The following PYGL variants were observed in gnomAD, a reference collection of about 807,000 sequenced individuals.
PYGL encodes glycogen phosphorylase, liver form.
In PYGL, 90 loss-of-function variants were observed where a neutral mutation model predicts 100.1. That is an observed-to-expected ratio of 0.90 (90% CI 0.76 to 1.07). The LOEUF (loss-of-function observed/expected upper bound fraction) is 1.07. Among genes scored for constraint, PYGL ranks in the 50% least tolerant of loss-of-function variants. The pLI, the probability that PYGL is intolerant of heterozygous loss-of-function variation, is 0.00. For missense variants in PYGL, 1,016 were observed against 1,057.6 expected (o/e 0.96, Z 0.55); for synonymous variants, 373 against 393.0 (o/e 0.95, Z 0.60).
rs1310919038 is a variant in PYGL at position 50,905,476 on chromosome 14, T to C, written c.2460A>G (p.Glu820=). The C allele has an allele frequency of 6.2e-7, 1 of 1,613,840 alleles. No homozygotes were observed. Among genetic ancestry groups the C allele is most frequent in the African/African-American group, 1.3e-5 (1 of 74,918 alleles). Residue 820 remains glutamate (E), a synonymous_variant, in exon 20 of 20, where the codon GAA becomes GAG. Transcript: ENST00000216392. ...CCACGTTCCAGATGTTTTGGGCATA[T>C]TCTTTAATTGTTCGGTCACTGGAGA... ...GKFSSDRTIK[E]YAQNIWNVEP...
Position 50,944,086 on chromosome 14 carries a change from C to T in PYGL, c.243+75G>A. The T allele has an allele frequency of 1.9e-5, 29 of 1,509,838 alleles. No homozygotes were observed. In the South Asian group the frequency reaches 3.4e-4, roughly 18 times the overall value. 93.5% of individuals were successfully genotyped at this position (1,509,838 alleles called of 1,614,324 possible). A position where few individuals can be genotyped will look rare whatever the true frequency, so the allele number is the denominator to read the frequency against. ...AGGGACCACTCTGAGGGGTTCTCCACCTCGTCCCGCCCGGCCGCGGCCGGA... is the reference window on the plus strand; with the variant it reads ...AGGGACCACTCTGAGGGGTTCTCCATCTCGTCCCGCCCGGCCGCGGCCGGA... On this transcript the variant is annotated intron_variant, in intron 1 of 19. Transcript: ENST00000216392.
intron 1 of PYGL, among the ~76,000 whole-genome samples, chr14:50,940,434 A>C (rs1439731288): frequency 6.6e-6 from 1 of 152,244 alleles, no homozygotes; most frequent in Non-Finnish European, 1.5e-5. Context: ...TCTTCTTAAA[A>C]ATATTTCAAA....
At chr14:50,922,439 G>C (rs1015304711) in intron 5 of PYGL, among the ~76,000 whole-genome samples, 1 of 152,090 alleles carries the variant, frequency 6.6e-6, no homozygotes, top group Non-Finnish European at 1.5e-5. Flanking sequence ...AAAAGTCTCT[G>C]GACTTTTAAA....
At chr14:50,916,856 A>C in intron 8 of PYGL, 106 bp downstream of exon 8, 2 of 1,551,096 alleles carry the variant, frequency 1.3e-6, no homozygotes, top group Non-Finnish European at 1.8e-6. Context: ...GATGCACACT[A>C]TTCCTGCTCA....
At chr14:50,934,853 A>G (rs1040459342) in intron 3 of PYGL, among the ~76,000 whole-genome samples, 5 of 152,046 alleles carry the variant, frequency 3.3e-5, no homozygotes, top group African/African-American at 1.2e-4. Context: ...CATTTAACAT[A>G]CTCTTAAGTG....
chr14:50,943,405 G>A (rs1366058095), intron 1 of PYGL, among the ~76,000 whole-genome samples: 3 of 152,238 alleles, frequency 2.0e-5, no homozygotes, highest in East Asian at 1.9e-4. Flanking sequence ...CCACGCCGTG[G>A]ATGGAGGTGG....
intron 4 of PYGL, among the ~76,000 whole-genome samples, chr14:50,928,404 G>A (rs1256029633): frequency 6.6e-6 from 1 of 152,086 alleles, no homozygotes; most frequent in Admixed American, 6.5e-5. Context: ...TGGCTATTAC[G>A]AACTTGGTGT....
In PYGL at chr14:50,916,692, G is replaced by A; in HGVS notation, c.1042C>T (p.Pro348Ser). Reference sequence around the variant, plus strand: ...TCCACAAAAATCCTCATCAGCTCAGGGATCGCGAGTGCAGGGTGAGTGTCA... The same window carrying A: ...TCCACAAAAATCCTCATCAGCTCAGAGATCGCGAGTGCAGGGTGAGTGTCA... ...LNDTHPALAI[P>S]ELMRIFVDIE... is the part of the protein sequence containing the mutation. Residue 348 changes from proline to serine, a missense_variant, in exon 9 of 20, where the codon CCT becomes TCT. Pro to Ser is a moderately conservative substitution (Grantham distance 74). Coordinates refer to ENST00000216392, the MANE Select transcript of PYGL (RefSeq NM_002863.5). The A allele has an allele frequency of 3.1e-6, 5 of 1,614,176 alleles. No individual in the cohort carries two copies. Among genetic ancestry groups the A allele is most frequent in the Non-Finnish European group, 4.2e-6 (5 of 1,180,026 alleles).
intron 8 of PYGL, 67 bp downstream of exon 8, chr14:50,916,895 A>G (rs1176411658): frequency 1.9e-6 from 3 of 1,577,820 alleles, no homozygotes; most frequent in East Asian, 4.5e-5. Flanking sequence ...GAGAGGAATT[A>G]ATCTGATAGG....
chr14:50,908,485 C>T (rs1315315610), intron 18 of PYGL, 148 bp from the exon 19 acceptor site: 1 of 812,928 alleles, frequency 1.2e-6, no homozygotes, highest in Non-Finnish European at 2.0e-6. Context: ...GACTTTTAAC[C>T]AGCCCTCAAC....
At chr14:50,916,176 T>C (rs1015058270) in intron 9 of PYGL, among the ~76,000 whole-genome samples, 2 of 152,250 alleles carry the variant, frequency 1.3e-5, no homozygotes, top group African/African-American at 2.4e-5. Context: ...GTAAAGCTAC[T>C]GGTGAAACTT....
At chr14:50,909,781 C>G (rs1408028309) in intron 17 of PYGL, 114 bp downstream of exon 17, 1 of 1,215,374 alleles carries the variant, frequency 8.2e-7, no homozygotes, top group Admixed American at 1.7e-5. Flanking sequence ...GCTGCCACCT[C>G]TTATGTGATC....
At chr14:50,935,070 C>G (rs538733037) in intron 3 of PYGL, 37 bp downstream of exon 3, 4 of 1,556,372 alleles carry the variant, frequency 2.6e-6, no homozygotes, top group Non-Finnish European at 3.5e-6. Flanking sequence ...TGTCTTCAAT[C>G]GGCCAGACAA....
chr14:50,923,943 G>A (rs374482559), intron 5 of PYGL, 26 bp downstream of exon 5: 13 of 1,606,466 alleles, frequency 8.1e-6, no homozygotes, highest in African/African-American at 2.7e-5. Flanking sequence ...TATACAAAAC[G>A]CTGGCTATAC....
rs2050641761 is a variant in PYGL, at chr14:50,935,044, TGCATG to T, written c.424+58_424+62del. The T allele has an allele frequency of 2.1e-6, 3 of 1,446,516 alleles. No individual in the cohort carries two copies. The African/African-American group carries it at 4.2e-5, about 20-fold the overall frequency. The allele number at this position is 1,446,516 out of a possible 1,614,324, so 89.6% of individuals were successfully genotyped here. On this transcript the variant is annotated intron_variant, in intron 3 of 19. Transcript: ENST00000216392. ...TGCCTGGTTCTTGCAAGCATGGTCA[TGCATG>T]GCATCTGAGATGTCTTCAATCGGCC...
At chr14:50,931,805 T>TA in intron 3 of PYGL, 29 bp from the exon 4 acceptor site, 4 of 1,599,160 alleles carry the variant, frequency 2.5e-6, no homozygotes, top group Non-Finnish European at 3.4e-6. Flanking sequence ...AGGCAAAAGA[T>TA]AGAGTCATTA....
intron 6 of PYGL, 42 bp from the exon 7 acceptor site, chr14:50,920,665 A>T (rs1483211627): frequency 1.3e-6 from 2 of 1,550,304 alleles, no homozygotes; most frequent in Non-Finnish European, 1.8e-6. Flanking sequence ...GAAACCAGCC[A>T]TTGTTGTTGG....
chr14:50,909,590 G>C (rs912298887), intron 17 of PYGL, among the ~76,000 whole-genome samples: 1 of 152,114 alleles, frequency 6.6e-6, no homozygotes, highest in Non-Finnish European at 1.5e-5. Flanking sequence ...CTAGAAACTG[G>C]TTCATCTTTT....
chr14:50,915,137 TG>T, intron 11 of PYGL, 198 bp downstream of exon 11: 5 of 724,712 alleles, frequency 6.9e-6, no homozygotes, highest in Non-Finnish European at 1.1e-5. Context: ...AGAATTAAGA[TG>T]GCTCTGAGAG....
Sources: gnomAD v4.1 joint callset for allele counts (sites outside exome capture counted in the v4.1 genomes callset) on GRCh38, gnomAD v4.1.1 for gene constraint, MANE v1.5 for transcripts, NCBI Gene and HGNC (gene_info 2026-07-23, HGNC 2026-07-21) for gene names.